The following MED13L variants were observed in gnomAD, a reference collection of about 807,000 sequenced individuals.
MED13L encodes mediator complex subunit 13L, also known as mediator of RNA polymerase II transcription subunit 13-like.
MED13L carries 7 observed loss-of-function variants against 220.9 expected under a neutral mutation model. That is an observed-to-expected ratio of 0.03 (90% CI 0.02 to 0.06). The LOEUF is 0.06. MED13L is among the 10% of genes least tolerant of loss of function. MED13L has a pLI of 1.00. For missense variants in MED13L, 1,965 were observed against 2,760.5 expected (o/e 0.71, Z 6.46); for synonymous variants, 1,011 against 1,015.2 (o/e 1.00, Z 0.08).
At chr12:116,006,032 C>T in intron 12 of MED13L, 39 bp from the exon 13 acceptor site, 2 of 1,612,784 alleles carry the variant, frequency 1.2e-6, no homozygotes, top group Non-Finnish European at 1.7e-6. Context: ...ATAAACAACT[C>T]CACCAAGCGC....
At chr12:116,006,503 G>A (rs1300796848) in intron 11 of MED13L, 92 bp from the exon 12 acceptor site, 4 of 1,002,906 alleles carry the variant, frequency 4.0e-6, no homozygotes, top group Non-Finnish European at 6.3e-6. Flanking sequence ...GGGTAGAATG[G>A]AACTTGTTAT....
chr12:116,092,525 A>G (rs960081788), intron 4 of MED13L, among the ~76,000 whole-genome samples: 1 of 152,220 alleles, frequency 6.6e-6, no homozygotes, highest in Admixed American at 6.5e-5. Context: ...AAAGGAAGGG[A>G]AAGTTTCAAA....
At position 116,016,192 on chromosome 12, in the gene MED13L, G is replaced by A. The variant is rs1036529446; in HGVS notation, c.1010-918C>T. Among the ~76,000 whole-genome samples the A allele has an allele frequency of 6.6e-5, 10 of 151,844 alleles. No individual in the cohort carries two copies. The East Asian group carries it at 7.7e-4, about 12-fold the overall frequency. ...GAACTATGATGCAAAACACCTTAAC[G>A]AAAGTCAAGGTGAAAAAGAAAGAAG... On this transcript the variant is annotated intron_variant, in intron 7 of 30. Transcript: ENST00000281928.
At chr12:116,055,906 AC>A (rs1368822463) in intron 4 of MED13L, among the ~76,000 whole-genome samples, 2 of 152,100 alleles carry the variant, frequency 1.3e-5, no homozygotes, top group Admixed American at 6.6e-5. Flanking sequence ...AAAAAAAAAA[AC>A]AAAAAGAGAA....
At chr12:115,963,698 T>A (rs555533700) in intron 29 of MED13L, among the ~76,000 whole-genome samples, 179 bp from the exon 30 acceptor site, 1 of 152,178 alleles carries the variant, frequency 6.6e-6, no homozygotes, top group East Asian at 1.9e-4. Context: ...TAACTTCTTA[T>A]CCTAGAGTTG....
At position 115,961,158 on chromosome 12, in the gene MED13L, G is replaced by T; in HGVS notation, c.*108C>A. On this transcript the variant is annotated 3_prime_UTR_variant, in exon 31 of 31. Transcript: ENST00000281928. ...AGGAATCACAGTGCAGGACTGTGGA[G>T]AGTGGTCTGAAGAAAAGGATGTGGG... The T allele has an allele frequency of 1.4e-6, 2 of 1,399,746 alleles. No individual in the cohort carries two copies. The highest frequency in any genetic ancestry group is 2.0e-6 in the Non-Finnish European group (2 of 991,628). The allele number at this position is 1,399,746 out of a possible 1,614,324, so 86.7% of individuals were successfully genotyped here. A position where few individuals can be genotyped will look rare whatever the true frequency, so the allele number is the denominator to read the frequency against.
At chr12:116,203,641 G>GA (rs755476228) in intron 2 of MED13L, among the ~76,000 whole-genome samples, 109 of 151,962 alleles carry the variant, frequency 7.2e-4, no homozygotes, top group Admixed American at 1.3e-3. Context: ...CCAACATGGC[G>GA]AAACCCCATC....
At chr12:116,024,021 T>C (rs977172430) in intron 4 of MED13L, among the ~76,000 whole-genome samples, 1 of 152,224 alleles carries the variant, frequency 6.6e-6, no homozygotes, top group Non-Finnish European at 1.5e-5. Context: ...GGCTTATTTT[T>C]CAGCTGTAAA....
rs1381533117 is a variant in MED13L at position 116,008,546 on chromosome 12, G to A, written c.1867C>T (p.Pro623Ser). 6.2e-7 allele frequency: 1 copy of A among 1,613,946 alleles called. No homozygotes were observed. The highest frequency in any genetic ancestry group is 1.7e-5 in the Admixed American group (1 of 59,992). ...TTTTCTGATGACTCCGGGTTCGAGG[G>A]CCTAATCCCACAATATAAGGCTGTC... is the stretch of plus-strand genomic sequence containing the variant. ...SETALYCGIR[P>S]SNPESSEKWW... Residue 623 changes from proline to serine, a missense_variant, in exon 10 of 31, where the codon CCC becomes TCC. Physicochemically the swap from Pro to Ser is moderately conservative, Grantham distance 74. Transcript: ENST00000281928.
chr12:116,100,339 C>G (rs902976129), intron 3 of MED13L, among the ~76,000 whole-genome samples: 2 of 152,100 alleles, frequency 1.3e-5, no homozygotes, highest in African/African-American at 4.8e-5. Context: ...TGGCTCACCC[C>G]TGTAATCCCA....
intron 2 of MED13L, among the ~76,000 whole-genome samples, chr12:116,229,601 T>TA (rs1869351003): frequency 6.6e-6 from 1 of 152,210 alleles, no homozygotes; most frequent in Non-Finnish European, 1.5e-5. Flanking sequence ...ACTCAAAAGA[T>TA]AGACTTTAGC....
chr12:116,200,651 T>C (rs1881952375), intron 2 of MED13L, among the ~76,000 whole-genome samples: 1 of 152,216 alleles, frequency 6.6e-6, no homozygotes, highest in African/African-American at 2.4e-5. Context: ...CAAAGCGTTC[T>C]GGTGCATGAA....
At chr12:116,244,549 A>T (rs1480467136) in intron 1 of MED13L, among the ~76,000 whole-genome samples, 1 of 152,182 alleles carries the variant, frequency 6.6e-6, no homozygotes, top group Admixed American at 6.5e-5. Flanking sequence ...GATACAACCC[A>T]ATTGACACAG....
chr12:116,007,040 A>G (rs1243115817), intron 11 of MED13L: 1 of 309,534 alleles, frequency 3.2e-6, no homozygotes, highest in Non-Finnish European at 6.2e-6. Context: ...CGCTCGATAA[A>G]TTGTGTATAC....
Position 115,983,165 on chromosome 12 carries a change from G to C in MED13L, c.4907C>G (p.Thr1636Ser), listed in dbSNP as rs140287114. The C allele has an allele frequency of 6.2e-7, 1 of 1,614,150 alleles. No homozygotes were observed. Among genetic ancestry groups the C allele is most frequent in the East Asian group, 2.2e-5 (1 of 44,876 alleles). The change falls in exon 21 of 31, where the codon ACT becomes AGT. Residue 1636 changes from threonine (T) to serine (S), a missense_variant. This residue lies in a region of MED13L where 510 missense variants were observed against 620.4 expected (regional missense o/e 0.82). Transcript: ENST00000281928. ...TQGNIGCGGD[T>S]DPGQSSSQPS... ...CTGAGAAGAGCTCTGCCCAGGGTCAGTGTCTCCACCACAGCCTATGTTCCC... is the reference window on the plus strand; with the variant it reads ...CTGAGAAGAGCTCTGCCCAGGGTCACTGTCTCCACCACAGCCTATGTTCCC...
At chr12:115,998,443 G>A (rs1045100717) in intron 14 of MED13L, among the ~76,000 whole-genome samples, 30 of 152,210 alleles carry the variant, frequency 2.0e-4, no homozygotes, top group Admixed American at 4.6e-4. Context: ...ACTGTACCGT[G>A]CTGTGCTCAC....
chr12:116,038,629 T>G (rs1881328861), intron 4 of MED13L, among the ~76,000 whole-genome samples: 1 of 149,992 alleles, frequency 6.7e-6, no homozygotes, highest in South Asian at 2.1e-4. Flanking sequence ...CAAGCCTGGC[T>G]CACAGTGGGA....
At chr12:116,059,693 C>CA (rs1291094494) in intron 4 of MED13L, among the ~76,000 whole-genome samples, 3 of 152,168 alleles carry the variant, frequency 2.0e-5, no homozygotes, top group African/African-American at 4.8e-5. Flanking sequence ...GTTGGGATTA[C>CA]AGGTGTGAGC....
At chr12:116,060,492 T>C (rs2137631137) in intron 4 of MED13L, among the ~76,000 whole-genome samples, 1 of 151,162 alleles carries the variant, frequency 6.6e-6, no homozygotes, top group East Asian at 2.0e-4. Flanking sequence ...GCAGGAATAT[T>C]GCTTGAACCC....
Sources: allele counts gnomAD v4.1 joint callset (sites outside exome capture counted in the v4.1 genomes callset), GRCh38; gene constraint gnomAD v4.1.1; regional missense constraint gnomAD v4.1.1; transcripts MANE v1.5; gene names NCBI Gene and HGNC (gene_info 2026-07-23, HGNC 2026-07-21).